The following ZNF827 variants were observed in gnomAD, a reference collection of about 807,000 sequenced individuals.
The protein encoded by ZNF827 is zinc finger protein 827.
ZNF827 carries 13 observed loss-of-function variants against 102.4 expected under a neutral mutation model. The ratio of observed to expected loss-of-function variants is 0.13; its 90% CI spans 0.08 to 0.20. The LOEUF (loss-of-function observed/expected upper bound fraction) is 0.20. Ranked by LOEUF, ZNF827 falls within the 10% of genes least tolerant of loss-of-function variation. ZNF827 has a pLI of 1.00. For missense variants in ZNF827, 1,103 were observed against 1,344.4 expected (o/e 0.82, Z 2.81); for synonymous variants, 523 against 536.2 (o/e 0.98, Z 0.34).
chr4:145,896,883 G>C (rs1378844245), intron 2 of ZNF827, among the ~76,000 whole-genome samples: 1 of 152,220 alleles, frequency 6.6e-6, no homozygotes, highest in Non-Finnish European at 1.5e-5. Flanking sequence ...GCCCAAAGCA[G>C]AGATGATCTT....
chr4:145,795,120 G>A (rs1740242996), intron 8 of ZNF827, among the ~76,000 whole-genome samples: 2 of 152,110 alleles, frequency 1.3e-5, no homozygotes, highest in African/African-American at 2.4e-5. Flanking sequence ...CCAAGTCAGG[G>A]GCAAGATGTT....
chr4:145,846,332 GC>G (rs1745934079), intron 6 of ZNF827, among the ~76,000 whole-genome samples: 1 of 151,998 alleles, frequency 6.6e-6, no homozygotes, highest in Non-Finnish European at 1.5e-5. Context: ...CAAAAAATTA[GC>G]CAGGGATGGT....
At position 145,870,335 on chromosome 4, in the gene ZNF827, C is replaced by T; in HGVS notation, c.1891G>A (p.Asp631Asn). 6.2e-7 allele frequency: 1 copy of T among 1,614,136 alleles called. No homozygotes were observed. The highest frequency in any genetic ancestry group is 8.5e-7 in the Non-Finnish European group (1 of 1,180,022). The change falls in exon 5 of 15, where the codon GAC (aspartate) becomes AAC (asparagine). Residue 631 changes from aspartate (D) to asparagine (N), a missense_variant. By Grantham distance (23) the Asp-to-Asn change is conservative. Coordinates refer to ENST00000508784, the MANE Select transcript of ZNF827 (RefSeq NM_001306215.2). ...TTCCCTTCCTGGGGCTTTAGTGCGT[C>T]CTCAGAGACGCCTGGGGCTGACACT... ...SEVSAPGVSEDALKPQEGKGS... is the reference protein window; with the variant it reads ...SEVSAPGVSENALKPQEGKGS...
At chr4:145,891,110 G>A (rs1750564980) in intron 3 of ZNF827, among the ~76,000 whole-genome samples, 1 of 152,198 alleles carries the variant, frequency 6.6e-6, no homozygotes, top group Non-Finnish European at 1.5e-5. Flanking sequence ...TATAAATAAT[G>A]TCAACAGCCA....
At chr4:145,836,655 G>A (rs1041503949) in intron 7 of ZNF827, among the ~76,000 whole-genome samples, 68 of 151,634 alleles carry the variant, frequency 4.5e-4, no homozygotes, top group Non-Finnish European at 9.4e-4. Flanking sequence ...GTATCTCTCT[G>A]ATCCACCTGA....
intron 5 of ZNF827, among the ~76,000 whole-genome samples, chr4:145,866,620 A>G (rs1748226585): frequency 6.6e-6 from 1 of 152,234 alleles, no homozygotes; most frequent in South Asian, 2.1e-4. Context: ...GAGAAATGTA[A>G]ACGTTTAATT....
chr4:145,873,509 G>A (rs77680869), intron 4 of ZNF827, among the ~76,000 whole-genome samples: 1 of 152,178 alleles, frequency 6.6e-6, no homozygotes, highest in Non-Finnish European at 1.5e-5. Context: ...CTAGACCACA[G>A]CATTACTGAA....
intron 4 of ZNF827, among the ~76,000 whole-genome samples, chr4:145,871,692 GA>G (rs1319561937): frequency 6.6e-6 from 1 of 152,070 alleles, no homozygotes; most frequent in Non-Finnish European, 1.5e-5. Flanking sequence ...ATAAATCCCC[GA>G]AGCAAACATC....
chr4:145,770,324 A>AAATG (rs1736064222), intron 11 of ZNF827, among the ~76,000 whole-genome samples: 1 of 145,406 alleles, frequency 6.9e-6, no homozygotes, highest in Non-Finnish European at 1.5e-5. Context: ...ATAAATAAAT[A>AAATG]AATAAATAAA....
chr4:145,827,957 G>C (rs1376358480), intron 7 of ZNF827, among the ~76,000 whole-genome samples: 2 of 152,174 alleles, frequency 1.3e-5, no homozygotes, highest in East Asian at 1.9e-4. Context: ...GTGACACCCA[G>C]CTTTGCGGTG....
chr4:145,914,066 C>CACAT, intron 1 of ZNF827, among the ~76,000 whole-genome samples: 1 of 150,948 alleles, frequency 6.6e-6, no homozygotes, highest in South Asian at 2.1e-4. Flanking sequence ...TTTGTAGACA[C>CACAT]ACACACACAC....
At chr4:145,855,475 A>G (rs1199042283) in intron 5 of ZNF827, among the ~76,000 whole-genome samples, 1 of 152,266 alleles carries the variant, frequency 6.6e-6, no homozygotes, top group Non-Finnish European at 1.5e-5. Context: ...AAAAGGACCA[A>G]TGAAGTGAAA....
At chr4:145,925,301 G>A (rs1753347268) in intron 1 of ZNF827, among the ~76,000 whole-genome samples, 1 of 152,122 alleles carries the variant, frequency 6.6e-6, no homozygotes, top group Non-Finnish European at 1.5e-5. Flanking sequence ...CTTCTTCTTG[G>A]AATGTTCTCT....
intron 8 of ZNF827, among the ~76,000 whole-genome samples, chr4:145,791,009 A>C (rs1251218817): frequency 6.6e-6 from 1 of 152,132 alleles, no homozygotes; most frequent in African/African-American, 2.4e-5. Context: ...ATATGATGGG[A>C]GTTTCTGTTT....
intron 9 of ZNF827, 57 bp downstream of exon 9, chr4:145,779,317 G>A: frequency 1.9e-6 from 3 of 1,580,304 alleles, no homozygotes; most frequent in South Asian, 2.3e-5. Context: ...TTTCCGGAGA[G>A]TAAAGAAGTT....
chr4:145,779,894 AAATAAAG>A (rs1737711403), intron 8 of ZNF827, among the ~76,000 whole-genome samples: 1 of 152,222 alleles, frequency 6.6e-6, no homozygotes, highest in Admixed American at 6.5e-5. Flanking sequence ...ACAAGGCAGT[AAATAAAG>A]AATTGTAGGC....
chr4:145,785,934 T>C (rs1404083212), intron 8 of ZNF827, among the ~76,000 whole-genome samples: 1 of 152,214 alleles, frequency 6.6e-6, no homozygotes, highest in Non-Finnish European at 1.5e-5. Flanking sequence ...AGTATAAGCC[T>C]AGAATATTTC....
At chr4:145,851,981 A>T (rs1746579512) in intron 5 of ZNF827, among the ~76,000 whole-genome samples, 1 of 152,176 alleles carries the variant, frequency 6.6e-6, no homozygotes, top group South Asian at 2.1e-4. Flanking sequence ...CCTCATGGGC[A>T]GTCACAACAC....
chr4:145,821,294 G>T (rs1313248542), intron 8 of ZNF827, among the ~76,000 whole-genome samples: 1 of 152,192 alleles, frequency 6.6e-6, no homozygotes, highest in Non-Finnish European at 1.5e-5. Context: ...AAGAGATTGA[G>T]AATGTATAGT....
Sources: allele counts gnomAD v4.1 joint callset (sites outside exome capture counted in the v4.1 genomes callset), GRCh38; gene constraint gnomAD v4.1.1; transcripts MANE v1.5; gene names NCBI Gene and HGNC (gene_info 2026-07-23, HGNC 2026-07-21).